Variants in FBN2 observed in about 807,000 individuals in gnomAD.
FBN2 encodes the protein fibrillin-2.
A neutral mutation model predicts 355.6 loss-of-function variants in FBN2; 105 were observed. That is an observed-to-expected ratio of 0.30 (90% CI 0.25 to 0.35). The LOEUF (loss-of-function observed/expected upper bound fraction) is 0.35, where lower values mean the gene tolerates loss of function less well. Among genes scored for constraint, FBN2 ranks in the 10% least tolerant of loss-of-function variants. The probability of loss-of-function intolerance (pLI) is 1.00; values close to 1 mark genes in which losing one functional copy is unlikely to be tolerated. For synonymous variants in FBN2, 1,350 were observed against 1,301.2 expected (o/e 1.04, Z -0.81); for missense variants, 3,280 against 3,758.7 (o/e 0.87, Z 3.33).
intron 34 of FBN2, among the ~76,000 whole-genome samples, chr5:128,324,292 C>G (rs1273454415): frequency 6.6e-6 from 1 of 152,184 alleles, no homozygotes; most frequent in Non-Finnish European, 1.5e-5. Flanking sequence ...CTGTCTCCTT[C>G]AGTTCTGCTC....
chr5:128,436,666 TAAA>T (rs954029413), intron 7 of FBN2, among the ~76,000 whole-genome samples: 7 of 138,024 alleles, frequency 5.1e-5, no homozygotes, highest in Admixed American at 7.3e-5. Context: ...TGGCTCCACT[TAAA>T]AAAAAAAAAA....
At chr5:128,318,307 T>C in intron 35 of FBN2, 36 bp from the exon 36 acceptor site, 1 of 1,613,586 alleles carries the variant, frequency 6.2e-7, no homozygotes, top group Middle Eastern at 1.7e-4. Context: ...GGTTACCATT[T>C]TTACTTTTTC....
chr5:128,488,686 G>A (rs1755414085), intron 5 of FBN2, among the ~76,000 whole-genome samples: 1 of 140,482 alleles, frequency 7.1e-6, no homozygotes, highest in Non-Finnish European at 1.5e-5. Context: ...AGAGTGTGAT[G>A]TTCCCCTTCC....
chr5:128,537,774 C>G lies in FBN2; in HGVS notation c.-171G>C, dbSNP rs1756900249. On this transcript the variant is annotated 5_prime_UTR_variant, in exon 1 of 65. Coordinates refer to ENST00000262464, the MANE Select transcript of FBN2 (RefSeq NM_001999.4). ...TGGAGACCTCGACAGAGCGCCGGCC[C>G]CCTGACTGCCCGCGAAGCGAGACGC... is the stretch of plus-strand genomic sequence containing the variant. 1 of 665,188 alleles carries G rather than the reference C, an allele frequency of 1.5e-6. No homozygotes were observed. The highest frequency in any genetic ancestry group is 2.5e-6 in the Non-Finnish European group (1 of 392,518). 41.2% of individuals were successfully genotyped at this position (665,188 alleles called of 1,614,324 possible). A position where few individuals can be genotyped will look rare whatever the true frequency, so the allele number is the denominator to read the frequency against.
At chr5:128,485,853 T>C (rs1263242624) in intron 5 of FBN2, among the ~76,000 whole-genome samples, 2 of 152,156 alleles carry the variant, frequency 1.3e-5, no homozygotes, top group South Asian at 2.1e-4. Flanking sequence ...ATAAAGGACT[T>C]CTTGAAGTGG....
At chr5:128,279,306 T>A (rs1296331109) in intron 56 of FBN2, among the ~76,000 whole-genome samples, 2 of 152,102 alleles carry the variant, frequency 1.3e-5, no homozygotes, top group African/African-American at 2.4e-5. Flanking sequence ...GTAGATTTTA[T>A]AAAAATATAA....
rs148133990 is a variant in FBN2, at chr5:128,338,738, C to T, written c.3472+195G>A. On this transcript the variant is annotated intron_variant, in intron 26 of 64. Transcript: ENST00000262464. Reference sequence around the variant, plus strand: ...TCTGAGTATCTCATTGCCATGAAGGCGCCAAGAGGTTGGGGCTCCCCGAGA... The same window carrying T: ...TCTGAGTATCTCATTGCCATGAAGGTGCCAAGAGGTTGGGGCTCCCCGAGA... 9.9e-4 allele frequency among the ~76,000 whole-genome samples: 150 copies of T among 152,250 alleles called. 1 individual carries two copies. The highest frequency in any genetic ancestry group is 3.0e-3 in the African/African-American group (124 of 41,556).
At chr5:128,306,903 CGA>C (rs1233152904) in intron 42 of FBN2, among the ~76,000 whole-genome samples, 1 of 152,156 alleles carries the variant, frequency 6.6e-6, no homozygotes, top group African/African-American at 2.4e-5. Context: ...TGACAAATAT[CGA>C]GAGAGTCACA....
At chr5:128,291,474 C>CAGCTTTAA (rs1339926171) in intron 49 of FBN2, 55 bp downstream of exon 49, 3 of 1,596,904 alleles carry the variant, frequency 1.9e-6, no homozygotes, top group Non-Finnish European at 2.6e-6. Context: ...GTTTACAATT[C>CAGCTTTAA]AGCTTTAAAG....
intron 47 of FBN2, 111 bp from the exon 48 acceptor site, chr5:128,301,047 A>G: frequency 1.0e-6 from 1 of 965,938 alleles, no homozygotes. Flanking sequence ...CCTCTGATCT[A>G]CTGGGTCACC....
intron 8 of FBN2, among the ~76,000 whole-genome samples, chr5:128,400,999 C>T (rs998724878): frequency 1.3e-5 from 2 of 152,128 alleles, no homozygotes; most frequent in African/African-American, 4.8e-5. Context: ...GCTTTTGCTT[C>T]TTCCTCATTT....
chr5:128,286,622 G>T (rs1361740785), intron 55 of FBN2, 96 bp downstream of exon 55: 1 of 1,419,626 alleles, frequency 7.0e-7, no homozygotes, highest in East Asian at 2.3e-5. Flanking sequence ...GCTGGAAAAA[G>T]AGTTGGCTTG....
chr5:128,424,757 C>T (rs1303006703), intron 7 of FBN2, among the ~76,000 whole-genome samples: 1 of 152,142 alleles, frequency 6.6e-6, no homozygotes, highest in Admixed American at 6.5e-5. Context: ...GGCCTGAAAT[C>T]AATACTGCAT....
chr5:128,263,340 G>A (rs1022785368), intron 63 of FBN2, 85 bp downstream of exon 63: 5 of 1,040,398 alleles, frequency 4.8e-6, no homozygotes, highest in African/African-American at 4.7e-5. Flanking sequence ...TTTAGACACT[G>A]TACTCTTCCC....
At chr5:128,503,584 G>A (rs1755873147) in intron 5 of FBN2, among the ~76,000 whole-genome samples, 1 of 152,176 alleles carries the variant, frequency 6.6e-6, no homozygotes, top group Non-Finnish European at 1.5e-5. Flanking sequence ...GATATGCACA[G>A]ATACTGGCAG....
chr5:128,262,465 G>A (rs1764999930), intron 63 of FBN2, among the ~76,000 whole-genome samples: 1 of 152,182 alleles, frequency 6.6e-6, no homozygotes, highest in African/African-American at 2.4e-5. Context: ...TTAGACTGAA[G>A]TACTGAGCAT....
intron 23 of FBN2, among the ~76,000 whole-genome samples, chr5:128,347,379 T>G (rs1581232576): frequency 6.6e-6 from 1 of 152,228 alleles, no homozygotes; most frequent in African/African-American, 2.4e-5. Context: ...TATCAGGAAT[T>G]AAACGTCAGT....
intron 48 of FBN2, 129 bp downstream of exon 48, chr5:128,300,688 G>A: frequency 1.1e-6 from 1 of 916,318 alleles, no homozygotes; most frequent in African/African-American, 1.6e-5. Flanking sequence ...AACAGATGTA[G>A]GCAGCTATAT....
At position 128,328,725 on chromosome 5, in the gene FBN2, G is replaced by A. The variant is rs1374815474; in HGVS notation, c.4442C>T (p.Thr1481Ile). ...GCAGGATCTGCTGTCTGAGGCTGGA[G>A]TGAAGCCCATCTCACACTCGCAGCG... ...AYRCECEMGFTPASDSRSCQD... is the reference protein window; with the variant it reads ...AYRCECEMGFIPASDSRSCQD... Residue 1481 changes from threonine to isoleucine, a missense_variant, in exon 34 of 65, where the codon ACT becomes ATT. Around this residue, in one of 6 missense-constraint regions of FBN2, gnomAD observed 2,284 missense variants for 2,749.5 expected, o/e 0.83. Transcript: ENST00000262464. The A allele has an allele frequency of 4.3e-6, 7 of 1,614,006 alleles. No individual in the cohort carries two copies. Among genetic ancestry groups the A allele is most frequent in the Non-Finnish European group, 5.1e-6 (6 of 1,180,024 alleles).
Sources: allele counts gnomAD v4.1 joint callset (sites outside exome capture counted in the v4.1 genomes callset), GRCh38; gene constraint gnomAD v4.1.1; regional missense constraint gnomAD v4.1.1; transcripts MANE v1.5; gene names NCBI Gene and HGNC (gene_info 2026-07-23, HGNC 2026-07-21).